Variants in RNF180 observed in about 807,000 individuals in gnomAD.
RNF180 encodes the protein E3 ubiquitin-protein ligase RNF180.
Under a neutral mutation model 59.2 loss-of-function variants are expected in RNF180, and 38 were observed. The ratio of observed to expected loss-of-function variants is 0.64; its 90% CI spans 0.50 to 0.84. The LOEUF (loss-of-function observed/expected upper bound fraction) is 0.84. RNF180 is among the 40% of genes least tolerant of loss of function. RNF180 has a pLI of 0.00. For synonymous variants in RNF180, 262 were observed against 240.3 expected, an observed-to-expected ratio of 1.09 and a Z score of -0.84; for missense variants, 705 against 700.9, an observed-to-expected ratio of 1.01 and a Z score of -0.07.
chr5:64,256,050 TG>T (rs1190612113), intron 5 of RNF180, among the ~76,000 whole-genome samples: 5 of 152,180 alleles, frequency 3.3e-5, no homozygotes, highest in Non-Finnish European at 7.4e-5. Context: ...TGGGGTTGTT[TG>T]TTTTTTTCTT....
intron 6 of RNF180, among the ~76,000 whole-genome samples, chr5:64,327,333 G>A (rs1174997183): frequency 6.6e-6 from 1 of 151,630 alleles, no homozygotes; most frequent in Non-Finnish European, 1.5e-5. Context: ...TTGGGGTTTG[G>A]TTTGTTCTTG....
At chr5:64,195,412 A>C (rs1579975732) in intron 1 of RNF180, among the ~76,000 whole-genome samples, 1 of 152,208 alleles carries the variant, frequency 6.6e-6, no homozygotes, top group Non-Finnish European at 1.5e-5. Context: ...TGTAGTTAGG[A>C]AATAAAGAAA....
At chr5:64,249,234 C>G in intron 5 of RNF180, among the ~76,000 whole-genome samples, 1 of 152,074 alleles carries the variant, frequency 6.6e-6, no homozygotes, top group Non-Finnish European at 1.5e-5. Flanking sequence ...CACATGTATT[C>G]TAGAACTTAA....
intron 5 of RNF180, among the ~76,000 whole-genome samples, chr5:64,311,307 CTG>C (rs1017875488): frequency 1.5e-4 from 23 of 151,964 alleles, no homozygotes; most frequent in Non-Finnish European, 2.4e-4. Context: ...ACTAACCAAA[CTG>C]TAAAAGCATA....
At position 64,168,517 on chromosome 5, in the gene RNF180, A is replaced by G. The variant is rs1749767901; in HGVS notation, c.-1+2564A>G. On this transcript the variant is annotated intron_variant, in intron 1 of 7. Transcript: ENST00000389100. The stretch of plus-strand genomic sequence containing the variant: ...AACCTATCAATTATCTCTTTTCATC[A>G]CATTGATTTCTTAGAAATCAGATAT... Among the ~76,000 whole-genome samples the G allele has an allele frequency of 2.6e-5, 4 of 152,144 alleles. 1 individual carries two copies. The South Asian group carries it at 8.3e-4, about 31-fold the overall frequency.
chr5:64,287,182 G>A (rs1013811158), intron 5 of RNF180, among the ~76,000 whole-genome samples: 3 of 152,068 alleles, frequency 2.0e-5, no homozygotes, highest in Non-Finnish European at 4.4e-5. Flanking sequence ...GGCCGGGCTG[G>A]TCTCGAACTC....
intron 1 of RNF180, among the ~76,000 whole-genome samples, chr5:64,182,680 A>G (rs1750665982): frequency 6.6e-6 from 1 of 152,228 alleles, no homozygotes; most frequent in Non-Finnish European, 1.5e-5. Flanking sequence ...AGATAGTAGT[A>G]AGTTTATACG....
intron 5 of RNF180, among the ~76,000 whole-genome samples, chr5:64,301,523 TAAAAAG>T (rs1466502868): frequency 6.6e-6 from 1 of 151,808 alleles, no homozygotes; most frequent in Non-Finnish European, 1.5e-5. Context: ...GCATATTTGT[TAAAAAG>T]AGAATGGTTA....
chr5:64,369,369 G>A (rs1432638468), intron 7 of RNF180, among the ~76,000 whole-genome samples: 2 of 151,714 alleles, frequency 1.3e-5, no homozygotes, highest in Non-Finnish European at 2.9e-5. Flanking sequence ...TAAATGATGA[G>A]TTAATAGGTG....
chr5:64,319,262 T>C (rs1299645987), intron 5 of RNF180, among the ~76,000 whole-genome samples: 1 of 151,868 alleles, frequency 6.6e-6, no homozygotes, highest in Admixed American at 6.6e-5. Flanking sequence ...TATACCACAA[T>C]AAAGGATCCT....
rs183594044 is a variant in RNF180 at position 64,267,680 on chromosome 5, A to G, written c.1227+50284A>G. 3.5e-3 allele frequency among the ~76,000 whole-genome samples: 529 copies of G among 152,230 alleles called. 2 individuals are homozygous for G. Among genetic ancestry groups the G allele is most frequent in the African/African-American group, 0.012 (480 of 41,534 alleles). On this transcript the variant is annotated intron_variant, in intron 5 of 7. Coordinates refer to ENST00000389100, the MANE Select transcript of RNF180 (RefSeq NM_001113561.2). ...ATCCATGTCCCTACAAAGGACATGAACTCATCATTTTTTATGGCTGCATGA... is the reference window on the plus strand; with the variant it reads ...ATCCATGTCCCTACAAAGGACATGAGCTCATCATTTTTTATGGCTGCATGA...
chr5:64,192,903 G>GTATATATATATA (rs70983610), intron 1 of RNF180, among the ~76,000 whole-genome samples: 1,159 of 93,610 alleles, frequency 0.012, 31 homozygotes, highest in Middle Eastern at 0.016. Flanking sequence ...AGTGTGGCAT[G>GTATATATATATA]TATATATATA....
intron 7 of RNF180, among the ~76,000 whole-genome samples, chr5:64,335,073 T>C (rs1745064516): frequency 6.6e-6 from 1 of 152,210 alleles, no homozygotes; most frequent in Non-Finnish European, 1.5e-5. Flanking sequence ...GAAAATGATA[T>C]CTCATTGGGG....
chr5:64,337,100 A>C (rs1745160933), intron 7 of RNF180, among the ~76,000 whole-genome samples: 1 of 151,308 alleles, frequency 6.6e-6, no homozygotes, highest in Non-Finnish European at 1.5e-5. Flanking sequence ...CGGCAGCCTC[A>C]ACCTTCCAAT....
intron 5 of RNF180, among the ~76,000 whole-genome samples, chr5:64,273,425 A>G (rs1352432807): frequency 1.3e-5 from 2 of 152,046 alleles, no homozygotes; most frequent in Non-Finnish European, 2.9e-5. Context: ...TTAAAACAGA[A>G]GAGAAAAAAA....
chr5:64,229,260 G>C (rs954237037), intron 5 of RNF180, among the ~76,000 whole-genome samples: 43 of 152,074 alleles, frequency 2.8e-4, no homozygotes, highest in Admixed American at 2.8e-3. Context: ...ACATATCTGT[G>C]CTGTCCTGAA....
Position 64,339,727 on chromosome 5 carries a change from GACAA to G in RNF180, c.1579+9325_1579+9328del, listed in dbSNP as rs536559103. Among the ~76,000 whole-genome samples, 682 of 151,454 alleles carry G rather than the reference GACAA, an allele frequency of 4.5e-3. 1 individual carries two copies. The highest frequency in any genetic ancestry group is 0.012 in the South Asian group (59 of 4,802). ...TTTCACACACACACAAAATTGCGAAGACAAACAGTTACAGATTTTCCAGCCAAAG... is the reference window on the plus strand; with the variant it reads ...TTTCACACACACACAAAATTGCGAAGACAGTTACAGATTTTCCAGCCAAAG... On this transcript the variant is annotated intron_variant, in intron 7 of 7. Coordinates refer to ENST00000389100, the MANE Select transcript of RNF180 (RefSeq NM_001113561.2).
chr5:64,252,398 G>A (rs182550646), intron 5 of RNF180, among the ~76,000 whole-genome samples: 2 of 152,242 alleles, frequency 1.3e-5, no homozygotes, highest in Non-Finnish European at 2.9e-5. Flanking sequence ...TTAATAAATT[G>A]TATTTTTGAA....
chr5:64,206,246 A>G (rs1021692996), intron 2 of RNF180, among the ~76,000 whole-genome samples: 2 of 152,306 alleles, frequency 1.3e-5, no homozygotes, highest in African/African-American at 4.8e-5. Flanking sequence ...ACCAAATTCT[A>G]CTGGGTTCAG....
Sources: gnomAD v4.1 joint callset for allele counts (sites outside exome capture counted in the v4.1 genomes callset) on GRCh38, gnomAD v4.1.1 for gene constraint, MANE v1.5 for transcripts, NCBI Gene and HGNC (gene_info 2026-07-23, HGNC 2026-07-21) for gene names.